ALKAL1: variants seen among roughly 807,000 people sequenced by gnomAD.
The protein encoded by ALKAL1 is ALK and LTK ligand 1, also known as AUG-beta.
In ALKAL1, 23 loss-of-function variants were observed where a neutral mutation model predicts 13.5. That is an observed-to-expected ratio of 1.70 (90% confidence interval 1.23 to 2.41). The LOEUF (loss-of-function observed/expected upper bound fraction) is 2.41, where lower values mean the gene tolerates loss of function less well. ALKAL1 is among the 30% of genes most tolerant of loss of function. The probability of loss-of-function intolerance (pLI) is 0.00; values close to 1 mark genes in which losing one functional copy is unlikely to be tolerated. For synonymous variants in ALKAL1, 85 were observed against 77.7 expected, an observed-to-expected ratio of 1.09 and a Z score of -0.49; for missense variants, 181 against 178.4, an observed-to-expected ratio of 1.01 and a Z score of -0.08.
chr8:52,553,548 G>A (rs1310954300), intron 1 of ALKAL1, among the ~76,000 whole-genome samples: 1 of 152,180 alleles, frequency 6.6e-6, no homozygotes, highest in African/African-American at 2.4e-5. Flanking sequence ...TGTCCAGCCA[G>A]ACCGCCAAAG....
chr8:52,550,586 G>C (rs1434583970), intron 1 of ALKAL1, among the ~76,000 whole-genome samples: 1 of 152,338 alleles, frequency 6.6e-6, no homozygotes, highest in East Asian at 1.9e-4. Flanking sequence ...TATATCAACA[G>C]AGACTTGCTA....
At chr8:52,538,096 A>G (rs1187573168) in intron 4 of ALKAL1, among the ~76,000 whole-genome samples, 1 of 151,914 alleles carries the variant, frequency 6.6e-6, no homozygotes, top group Non-Finnish European at 1.5e-5. Context: ...TCCGAAAAAA[A>G]AAAAAAAGGC....
At chr8:52,556,561 G>A (rs947550216) in intron 1 of ALKAL1, among the ~76,000 whole-genome samples, 4 of 150,414 alleles carry the variant, frequency 2.7e-5, no homozygotes, top group Non-Finnish European at 5.9e-5. Context: ...GCAGGAGAAT[G>A]GCGTGAACCC....
intron 1 of ALKAL1, among the ~76,000 whole-genome samples, chr8:52,548,117 G>A (rs1228211988): frequency 6.6e-6 from 1 of 152,208 alleles, no homozygotes; most frequent in Non-Finnish European, 1.5e-5. Flanking sequence ...GGGAGGCCGA[G>A]GCCGGTGGAT....
chr8:52,564,665 G>A (rs768610630), intron 1 of ALKAL1, among the ~76,000 whole-genome samples: 1 of 152,204 alleles, frequency 6.6e-6, no homozygotes, highest in Admixed American at 6.5e-5. Flanking sequence ...GCACGGTCAG[G>A]TGTCTACGGA....
intron 2 of ALKAL1, among the ~76,000 whole-genome samples, chr8:52,540,871 C>A (rs1847306100): frequency 6.6e-6 from 1 of 152,134 alleles, no homozygotes; most frequent in Non-Finnish European, 1.5e-5. Flanking sequence ...CATCCCTGTG[C>A]CCTGCAGGTG....
chr8:52,538,739 T>G (rs1847286758), intron 3 of ALKAL1, among the ~76,000 whole-genome samples: 1 of 152,156 alleles, frequency 6.6e-6, no homozygotes. Flanking sequence ...GTTAATTAAT[T>G]ACCCCATAAC....
chr8:52,535,167 T>A (rs927212931), intron 4 of ALKAL1, among the ~76,000 whole-genome samples: 1 of 146,846 alleles, frequency 6.8e-6, no homozygotes, highest in Admixed American at 6.8e-5. Flanking sequence ...ATGGAATATA[T>A]TAAAAACAAA....
intron 4 of ALKAL1, among the ~76,000 whole-genome samples, chr8:52,535,843 A>C (rs1847261484): frequency 6.6e-6 from 1 of 152,218 alleles, no homozygotes; most frequent in South Asian, 2.1e-4. Flanking sequence ...AGATAGTTTA[A>C]GTAAATCTCC....
At chr8:52,543,354 C>T (rs752276472) in intron 1 of ALKAL1, among the ~76,000 whole-genome samples, 2 of 152,196 alleles carry the variant, frequency 1.3e-5, no homozygotes, top group African/African-American at 2.4e-5. Context: ...AGTGTGACTT[C>T]GCCAGCACAA....
At position 52,539,812 on chromosome 8, in the gene ALKAL1, ACC is replaced by A; in HGVS notation, c.325+17_325+18del. The A allele has an allele frequency of 1.3e-6, 2 of 1,560,396 alleles. No individual in the cohort carries two copies. The highest frequency in any genetic ancestry group is 2.8e-5 in the African/African-American group (2 of 71,298). On this transcript the variant is annotated intron_variant, in intron 3 of 4. Transcript: ENST00000358543. ...TTGTTGGATAATTAAAAAAAAAAAA[ACC>A]CACCCAAGTTACTTACAAGCTGGCG... is the stretch of plus-strand genomic sequence containing the variant.
intron 1 of ALKAL1, among the ~76,000 whole-genome samples, chr8:52,554,043 G>GAGAAACCC (rs1563322608): frequency 6.6e-6 from 1 of 152,188 alleles, no homozygotes; most frequent in East Asian, 1.9e-4. Flanking sequence ...GACCAACATG[G>GAGAAACCC]AGAAACCCCG....
intron 1 of ALKAL1, 127 bp downstream of exon 1, chr8:52,564,940 A>C: frequency 1.5e-6 from 1 of 677,034 alleles, no homozygotes; most frequent in Non-Finnish European, 2.1e-6. Context: ...GGGAATCTGC[A>C]GAGATGCTCT....
intron 1 of ALKAL1, among the ~76,000 whole-genome samples, chr8:52,550,034 C>T (rs1168330037): frequency 6.6e-6 from 1 of 152,150 alleles, no homozygotes; most frequent in Non-Finnish European, 1.5e-5. Context: ...TATGTAGTTA[C>T]ATAACATCTG....
chr8:52,543,336 C>T (rs572120494), intron 1 of ALKAL1, among the ~76,000 whole-genome samples: 3 of 152,310 alleles, frequency 2.0e-5, no homozygotes, highest in East Asian at 3.9e-4. Flanking sequence ...TGAGCCATCA[C>T]GGTGATGAGT....
intron 1 of ALKAL1, among the ~76,000 whole-genome samples, chr8:52,552,872 C>G (rs1359593839): frequency 6.6e-6 from 1 of 152,194 alleles, no homozygotes; most frequent in Non-Finnish European, 1.5e-5. Context: ...AACCCTGGTT[C>G]TTTTACTGGA....
intron 1 of ALKAL1, among the ~76,000 whole-genome samples, chr8:52,558,148 G>A (rs748438930): frequency 4.0e-5 from 6 of 149,066 alleles, no homozygotes; most frequent in East Asian, 2.0e-4. Flanking sequence ...ATATATACAC[G>A]TATATATACA....
At chr8:52,551,678 T>C (rs1030826596) in intron 1 of ALKAL1, among the ~76,000 whole-genome samples, 1 of 152,036 alleles carries the variant, frequency 6.6e-6, no homozygotes, top group Non-Finnish European at 1.5e-5. Flanking sequence ...GCAGTGTTAT[T>C]TGGATTTTTT....
chr8:52,545,346 T>A (rs1847358713), intron 1 of ALKAL1, among the ~76,000 whole-genome samples: 1 of 152,148 alleles, frequency 6.6e-6, no homozygotes, highest in Admixed American at 6.5e-5. Flanking sequence ...CTGACACAAA[T>A]GCATATGATT....
Sources: gnomAD v4.1 joint callset for allele counts (sites outside exome capture counted in the v4.1 genomes callset) on GRCh38, gnomAD v4.1.1 for gene constraint, MANE v1.5 for transcripts, NCBI Gene and HGNC (gene_info 2026-07-23, HGNC 2026-07-21) for gene names.